Variants in CELF5 observed in about 807,000 individuals in gnomAD.
CELF5 encodes the protein CUGBP Elav-like family member 5, also known as CUG-BP and ETR-3 like factor 5.
A neutral mutation model predicts 54.9 loss-of-function variants in CELF5; 6 were observed. The ratio of observed to expected loss-of-function variants is 0.11; its 90% CI spans 0.06 to 0.22. CELF5 has a LOEUF of 0.22. Ranked by LOEUF, CELF5 falls within the 10% of genes least tolerant of loss-of-function variation. CELF5 has a pLI of 1.00. For synonymous variants in CELF5, 271 were observed against 290.9 expected, an observed-to-expected ratio of 0.93 and a Z score of 0.70; for missense variants, 401 against 678.6, an observed-to-expected ratio of 0.59 and a Z score of 4.54.
At chr19:3,267,051 C>T (rs978159008) in intron 2 of CELF5, among the ~76,000 whole-genome samples, 4 of 151,794 alleles carry the variant, frequency 2.6e-5, no homozygotes, top group Admixed American at 2.6e-4. Context: ...CTTCCCCCAC[C>T]CAAGAAAACA....
chr19:3,258,569 G>A (rs1362316170), intron 2 of CELF5, among the ~76,000 whole-genome samples: 2 of 152,138 alleles, frequency 1.3e-5, no homozygotes, highest in African/African-American at 4.8e-5. Context: ...CATATCCACA[G>A]ATCCCCAGGG....
chr19:3,258,453 A>C (rs571539896), intron 2 of CELF5, among the ~76,000 whole-genome samples: 2 of 151,788 alleles, frequency 1.3e-5, no homozygotes, highest in African/African-American at 4.8e-5. Flanking sequence ...TTCTCTTAGA[A>C]GGACACTTCT....
intron 8 of CELF5, among the ~76,000 whole-genome samples, chr19:3,283,816 T>C (rs2080190097): frequency 6.6e-6 from 1 of 151,502 alleles, no homozygotes; most frequent in Middle Eastern, 3.2e-3. Flanking sequence ...CAGACGGTAT[T>C]CAAATTTCAC....
intron 2 of CELF5, among the ~76,000 whole-genome samples, chr19:3,272,370 G>GCC (rs1568352525): frequency 0.014 from 2,028 of 147,344 alleles, 42 homozygotes; most frequent in African/African-American, 0.047. Context: ...TCCGTCCCAA[G>GCC]AAAAAAAAAG....
At chr19:3,284,569 T>A (rs2145278740) in intron 8 of CELF5, among the ~76,000 whole-genome samples, 1 of 152,150 alleles carries the variant, frequency 6.6e-6, no homozygotes, top group South Asian at 2.1e-4. Context: ...GAGGCTGAAG[T>A]CCTGGTGAAT....
At chr19:3,242,561 C>T (rs1452488321) in intron 1 of CELF5, among the ~76,000 whole-genome samples, 1 of 152,086 alleles carries the variant, frequency 6.6e-6, no homozygotes, top group African/African-American at 2.4e-5. Context: ...AATCCCAGCA[C>T]TTTGGGAGGC....
rs779689616 is a variant in CELF5 at position 3,282,523 on chromosome 19, C to A, written c.1039+25C>A. 3 of 1,599,020 alleles carry A rather than the reference C, an allele frequency of 1.9e-6. No homozygotes were observed. Among genetic ancestry groups the A allele is most frequent in the Non-Finnish European group, 2.6e-6 (3 of 1,172,716 alleles). On this transcript the variant is annotated intron_variant, in intron 8 of 12. Coordinates refer to ENST00000292672, the MANE Select transcript of CELF5 (RefSeq NM_021938.4). The surrounding 1 kb of genome is among the most constrained non-coding windows in gnomAD (Gnocchi z 5.2). Reference sequence around the variant, plus strand: ...GGTAAATTGGGGTCGTCCTCTGGGGCCTAGGAGAGTGGTGGGGAATAAAGA... The same window carrying A: ...GGTAAATTGGGGTCGTCCTCTGGGGACTAGGAGAGTGGTGGGGAATAAAGA...
intron 1 of CELF5, among the ~76,000 whole-genome samples, chr19:3,232,064 C>T (rs1261515052): frequency 6.6e-6 from 1 of 151,910 alleles, no homozygotes; most frequent in Non-Finnish European, 1.5e-5. Context: ...ACCTTTACTA[C>T]CTTCCTCCTC....
rs1568356816 is a variant in CELF5 at position 3,278,000 on chromosome 19, C to T, written c.524-31C>T. The T allele has an allele frequency of 5.0e-6, 8 of 1,590,898 alleles. 1 individual carries two copies. The highest frequency in any genetic ancestry group is 3.3e-4 in the Middle Eastern group (2 of 6,016). On this transcript the variant is annotated intron_variant, in intron 4 of 12. Coordinates refer to ENST00000292672, the MANE Select transcript of CELF5 (RefSeq NM_021938.4). Reference sequence around the variant, plus strand: ...CTCAGCCAGTCCTGTGACCCCATCACCCTCTACCTCTTCTTCTTCTCTTGG... The same window carrying T: ...CTCAGCCAGTCCTGTGACCCCATCATCCTCTACCTCTTCTTCTTCTCTTGG...
chr19:3,240,550 A>G (rs548084346), intron 1 of CELF5, among the ~76,000 whole-genome samples: 1 of 148,946 alleles, frequency 6.7e-6, no homozygotes, highest in Admixed American at 6.7e-5. Flanking sequence ...CTGGTCTTGA[A>G]CTCCTGACCT....
intron 1 of CELF5, among the ~76,000 whole-genome samples, chr19:3,226,086 A>T (rs1490853306): frequency 6.6e-6 from 1 of 150,838 alleles, no homozygotes; most frequent in Non-Finnish European, 1.5e-5. Flanking sequence ...GGTGTTGGGG[A>T]CTGGGGGTGC....
At position 3,281,058 on chromosome 19, in the gene CELF5, GT is replaced by G. The variant is rs769742114; in HGVS notation, c.604-140del. The G allele has an allele frequency of 9.4e-5, 94 of 997,622 alleles. No homozygotes were observed. In the Admixed American group the frequency reaches 1.3e-3, roughly 14 times the overall value. 61.8% of individuals were successfully genotyped at this position (997,622 alleles called of 1,614,324 possible). A position where few individuals can be genotyped will look rare whatever the true frequency, so the allele number is the denominator to read the frequency against. On this transcript the variant is annotated intron_variant, in intron 5 of 12. Coordinates refer to ENST00000292672, the MANE Select transcript of CELF5 (RefSeq NM_021938.4). The surrounding 1 kb of genome is among the most constrained non-coding windows in gnomAD (Gnocchi z 6.5). ...CCTCGCTGTGGCCCTGGCTCCTGGGGTGGGGGCCCGTGGACATGGCTGACAG... is the reference window on the plus strand; with the variant it reads ...CCTCGCTGTGGCCCTGGCTCCTGGGGGGGGGCCCGTGGACATGGCTGACAG...
At chr19:3,266,943 C>G (rs1025684547) in intron 2 of CELF5, among the ~76,000 whole-genome samples, 1 of 152,170 alleles carries the variant, frequency 6.6e-6, no homozygotes, top group Non-Finnish European at 1.5e-5. Flanking sequence ...CCAGGCGGCT[C>G]ACGTGCCTGC....
At chr19:3,260,700 G>T (rs540508232) in intron 2 of CELF5, among the ~76,000 whole-genome samples, 2 of 147,590 alleles carry the variant, frequency 1.4e-5, no homozygotes, top group South Asian at 4.3e-4. Context: ...TTGGCTCACT[G>T]CAAGCTCCGC....
intron 2 of CELF5, among the ~76,000 whole-genome samples, chr19:3,261,455 G>A (rs1466526384): frequency 2.0e-5 from 3 of 151,840 alleles, no homozygotes; most frequent in Admixed American, 6.6e-5. Flanking sequence ...AAATCTGTGA[G>A]AGAACAATAT....
At position 3,275,496 on chromosome 19, in the gene CELF5, T is replaced by C. The variant is rs906543669; in HGVS notation, c.395-360T>C. ...GACCCAGGCCCGGCGAGGCAGCTCC[T>C]AGCCCTAGTACTCGGTGCGGGCTCT... On this transcript the variant is annotated intron_variant, in intron 3 of 12. Transcript: ENST00000292672. This position sits in a 1 kb window ranked among gnomAD's most constrained non-coding sequence, Gnocchi z 6.7. 6.6e-6 allele frequency among the ~76,000 whole-genome samples: 1 copy of C among 152,204 alleles called. No homozygotes were observed. The highest frequency in any genetic ancestry group is 6.5e-5 in the Admixed American group (1 of 15,290).
At chr19:3,289,233 T>C (rs188472780) in intron 10 of CELF5, among the ~76,000 whole-genome samples, 3 of 152,262 alleles carry the variant, frequency 2.0e-5, no homozygotes, top group Admixed American at 6.5e-5. Context: ...TATCCCTAGC[T>C]GGGGTTTGAG....
chr19:3,280,836 C>T (rs1355149262), intron 5 of CELF5, among the ~76,000 whole-genome samples: 1 of 152,172 alleles, frequency 6.6e-6, no homozygotes, highest in East Asian at 1.9e-4. Context: ...GCTGGTTTCT[C>T]ACCTGTTCTC....
intron 1 of CELF5, among the ~76,000 whole-genome samples, chr19:3,246,256 T>C (rs1037276596): frequency 6.6e-5 from 10 of 152,026 alleles, no homozygotes; most frequent in African/African-American, 2.4e-4. Context: ...CCCAGCTACT[T>C]GGGAGGCTGA....
Sources: allele counts gnomAD v4.1 joint callset (sites outside exome capture counted in the v4.1 genomes callset), GRCh38; gene constraint gnomAD v4.1.1; non-coding constraint Gnocchi (gnomAD v3.1); transcripts MANE v1.5; gene names NCBI Gene and HGNC (gene_info 2026-07-23, HGNC 2026-07-21).